PKP1: variants seen among roughly 807,000 people sequenced by gnomAD.
PKP1 encodes plakophilin 1, also known as plakophilin-1.
Under a neutral mutation model 76.4 loss-of-function variants are expected in PKP1, and 27 were observed. That is an observed-to-expected ratio of 0.35 (90% CI 0.26 to 0.49). The LOEUF is 0.49. Among genes scored for constraint, PKP1 ranks in the 20% least tolerant of loss-of-function variants. PKP1 has a pLI of 0.99. For missense variants in PKP1, 964 were observed against 955.2 expected, an observed-to-expected ratio of 1.01 and a Z score of -0.12; for synonymous variants, 404 against 384.2, an observed-to-expected ratio of 1.05 and a Z score of -0.60.
At chr1:201,289,526 C>G (rs911637223) in intron 1 of PKP1, among the ~76,000 whole-genome samples, 3 of 152,108 alleles carry the variant, frequency 2.0e-5, no homozygotes, top group Non-Finnish European at 4.4e-5. Flanking sequence ...TCCCTATGAC[C>G]TCTGTCTGCA....
At chr1:201,300,699 C>T (rs910910957) in intron 2 of PKP1, among the ~76,000 whole-genome samples, 2 of 152,226 alleles carry the variant, frequency 1.3e-5, no homozygotes, top group African/African-American at 4.8e-5. Context: ...CTGTGTCCCT[C>T]TTTTGGGGAG....
intron 1 of PKP1, among the ~76,000 whole-genome samples, chr1:201,284,197 G>GT (rs544557975): frequency 5.3e-5 from 8 of 152,244 alleles, no homozygotes; most frequent in Non-Finnish European, 1.0e-4. Flanking sequence ...GTGCCAGGAG[G>GT]TTGAGGATCC....
rs1014347468 is a variant in PKP1, at chr1:201,314,231, G to A, written c.701+671G>A. 1.5e-4 allele frequency among the ~76,000 whole-genome samples: 23 copies of A among 152,246 alleles called. No individual in the cohort carries two copies. The East Asian group carries it at 2.3e-3, about 15-fold the overall frequency. On this transcript the variant is annotated intron_variant, in intron 3 of 13. Coordinates refer to ENST00000367324, the MANE Select transcript of PKP1 (RefSeq NM_001005337.3). Reference sequence around the variant, plus strand: ...ACTTTGGGAGGCCGAGGCAGGAGCGGGTAGAGGGTGCTTGAGCTCAGGAGT... The same window carrying A: ...ACTTTGGGAGGCCGAGGCAGGAGCGAGTAGAGGGTGCTTGAGCTCAGGAGT...
chr1:201,319,810 C>A (rs764226073), intron 6 of PKP1: 2 of 1,613,844 alleles, frequency 1.2e-6, no homozygotes, highest in Non-Finnish European at 1.7e-6. Flanking sequence ...TCTTCCTGTC[C>A]CACAGAAAGA....
In PKP1 at chr1:201,328,576, C is replaced by T. The variant is rs560792081; in HGVS notation, c.2107-186C>T. ...GAAGTTCAAACACATTGCACCGACT[C>T]ATGGAGAGTTATTATGTTTTGTTAC... On this transcript the variant is annotated intron_variant, in intron 12 of 13. Transcript: ENST00000367324. The T allele has an allele frequency of 4.9e-4, 321 of 661,094 alleles. 4 individuals carry two copies. The South Asian group carries it at 5.0e-3, about 10-fold the overall frequency. 41.0% of individuals were successfully genotyped at this position (661,094 alleles called of 1,614,324 possible). A position where few individuals can be genotyped will look rare whatever the true frequency, so the allele number is the denominator to read the frequency against.
chr1:201,310,170 C>A (rs1178239896), intron 2 of PKP1, among the ~76,000 whole-genome samples: 5 of 152,200 alleles, frequency 3.3e-5, no homozygotes. Flanking sequence ...CCTAAGGCAG[C>A]CAGCCTGTGC....
Position 201,317,664 on chromosome 1 carries a change from C to T in PKP1, c.939C>T (p.Asn313=). 6.2e-7 allele frequency: 1 copy of T among 1,614,018 alleles called. No homozygotes were observed. The highest frequency in any genetic ancestry group is 1.1e-5 in the South Asian group (1 of 91,084). ...VQQAAAGALR[N]LVFRSTTNKL... ...AGGCCGCGGCAGGGGCCCTGCGCAA[C>T]CTGGTGTTCAGGAGCACCACCAACA... Residue 313 remains asparagine, a synonymous_variant, in exon 5 of 14, where the codon AAC becomes AAT. Coordinates refer to ENST00000367324, the MANE Select transcript of PKP1 (RefSeq NM_001005337.3).
intron 2 of PKP1, among the ~76,000 whole-genome samples, chr1:201,306,840 A>G (rs562697938): frequency 4.8e-3 from 151 of 31,156 alleles, no homozygotes; most frequent in Non-Finnish European, 0.011. Context: ...GTGCCTGGCT[A>G]CTTTTTGTTT....
Position 201,325,914 on chromosome 1 carries a change from T to C in PKP1, c.2106+76T>C. The C allele has an allele frequency of 2.7e-6, 3 of 1,118,812 alleles. No homozygotes were observed. In the South Asian group the frequency reaches 3.8e-5, roughly 14 times the overall value. 69.3% of individuals were successfully genotyped at this position (1,118,812 alleles called of 1,614,324 possible). A position where few individuals can be genotyped will look rare whatever the true frequency, so the allele number is the denominator to read the frequency against. Reference sequence around the variant, plus strand: ...AGAGGGCCTGGCATATGCTGGGCTCTGGGCTGGGCACTAGAGAAACGCCCC... The same window carrying C: ...AGAGGGCCTGGCATATGCTGGGCTCCGGGCTGGGCACTAGAGAAACGCCCC... On this transcript the variant is annotated intron_variant, in intron 12 of 13. Transcript: ENST00000367324.
At chr1:201,293,062 G>T (rs193257047) in intron 1 of PKP1, among the ~76,000 whole-genome samples, 1 of 152,306 alleles carries the variant, frequency 6.6e-6, no homozygotes, top group East Asian at 1.9e-4. Context: ...GGCCAAGGAG[G>T]GAAGGCAGGT....
chr1:201,309,682 C>CG (rs1050071318), intron 2 of PKP1, among the ~76,000 whole-genome samples: 2 of 152,098 alleles, frequency 1.3e-5, no homozygotes, highest in African/African-American at 4.8e-5. Flanking sequence ...CCACCTGCAG[C>CG]GGGCGCACGT....
In PKP1 at chr1:201,316,117, C is replaced by T. The variant is rs199642491; in HGVS notation, c.702-436C>T. The T allele has an allele frequency of 1.6e-3, 57 of 36,060 alleles. 1 individual carries two copies. The South Asian group carries it at 0.052, about 33-fold the overall frequency. The allele number at this position is 36,060 out of a possible 1,614,324, so 2.2% of individuals were successfully genotyped here. A position where few individuals can be genotyped will look rare whatever the true frequency, so the allele number is the denominator to read the frequency against. On this transcript the variant is annotated intron_variant, in intron 3 of 13. Coordinates refer to ENST00000367324, the MANE Select transcript of PKP1 (RefSeq NM_001005337.3). ...ACGGATGGATGGACAGATGGATGGA[C>T]GGATGGACGGACGGACGGACGGATG...
chr1:201,311,503 C>T (rs754515973), intron 2 of PKP1, among the ~76,000 whole-genome samples: 1 of 152,198 alleles, frequency 6.6e-6, no homozygotes, highest in Non-Finnish European at 1.5e-5. Flanking sequence ...GATGCAACTT[C>T]TGACTGGTGG....
intron 12 of PKP1, among the ~76,000 whole-genome samples, chr1:201,326,280 G>A (rs990160138): frequency 2.0e-5 from 3 of 152,208 alleles, no homozygotes; most frequent in African/African-American, 7.2e-5. Context: ...TTTGAATAGA[G>A]GGTTTCATGA....
intron 8 of PKP1, among the ~76,000 whole-genome samples, chr1:201,322,418 G>A (rs1338232915): frequency 6.6e-6 from 1 of 152,180 alleles, no homozygotes; most frequent in Non-Finnish European, 1.5e-5. Context: ...CTTTCTTCCT[G>A]TATAGTGGGT....
intron 1 of PKP1, among the ~76,000 whole-genome samples, chr1:201,287,107 A>AT (rs1655765182): frequency 6.6e-6 from 1 of 152,060 alleles, no homozygotes; most frequent in African/African-American, 2.4e-5. Flanking sequence ...GCCATCTGTG[A>AT]TTTTTTATTT....
At chr1:201,312,143 C>T (rs1321987587) in intron 2 of PKP1, among the ~76,000 whole-genome samples, 1 of 152,232 alleles carries the variant, frequency 6.6e-6, no homozygotes, top group East Asian at 1.9e-4. Context: ...TGCACGCAGG[C>T]CCCTAGCTCA....
chr1:201,326,543 G>T (rs576744060), intron 12 of PKP1, among the ~76,000 whole-genome samples: 174 of 152,384 alleles, frequency 1.1e-3, no homozygotes, highest in Non-Finnish European at 6.3e-4. Flanking sequence ...CAGTGGGGCT[G>T]ATTAGGCTGG....
intron 2 of PKP1, among the ~76,000 whole-genome samples, chr1:201,294,320 A>G (rs1356755281): frequency 6.6e-6 from 1 of 152,236 alleles, no homozygotes; most frequent in Non-Finnish European, 1.5e-5. Context: ...ATTTCCCAGT[A>G]GGTCTGATTT....
Sources: allele counts gnomAD v4.1 joint callset (sites outside exome capture counted in the v4.1 genomes callset), GRCh38; gene constraint gnomAD v4.1.1; transcripts MANE v1.5; gene names NCBI Gene and HGNC (gene_info 2026-07-23, HGNC 2026-07-21).